LRP1B: variants seen among roughly 807,000 people sequenced by gnomAD.
LRP1B encodes the protein LDL receptor related protein 1B.
A neutral mutation model predicts 556.6 loss-of-function variants in LRP1B; 217 were observed. That is an observed-to-expected ratio of 0.39 (90% CI 0.35 to 0.44). The LOEUF (loss-of-function observed/expected upper bound fraction) is 0.44. Among genes scored for constraint, LRP1B ranks in the 20% least tolerant of loss-of-function variants. LRP1B has a pLI of 1.00. For missense variants in LRP1B, 5,053 were observed against 5,620.8 expected (o/e 0.90, Z 3.23); for synonymous variants, 2,047 against 1,865.8 (o/e 1.10, Z -2.50).
At chr2:140,413,086 T>C (rs2105250878) in intron 66 of LRP1B, among the ~76,000 whole-genome samples, 1 of 152,260 alleles carries the variant, frequency 6.6e-6, no homozygotes, top group Non-Finnish European at 1.5e-5. Flanking sequence ...AAATATATTA[T>C]TGGTATAAAG....
intron 41 of LRP1B, among the ~76,000 whole-genome samples, chr2:140,691,496 A>G (rs1441800053): frequency 1.3e-5 from 2 of 151,856 alleles, no homozygotes; most frequent in Non-Finnish European, 2.9e-5. Flanking sequence ...CTCAAAAAAA[A>G]AAAAAAAAAG....
At chr2:141,467,085 C>A (rs1332809227) in intron 3 of LRP1B, among the ~76,000 whole-genome samples, 6 of 100,484 alleles carry the variant, frequency 6.0e-5, no homozygotes, top group East Asian at 2.5e-4. Flanking sequence ...TATACACACA[C>A]ACACACATAT....
intron 2 of LRP1B, among the ~76,000 whole-genome samples, chr2:141,521,302 C>CT (rs34585378): frequency 6.6e-6 from 1 of 152,042 alleles, no homozygotes; most frequent in African/African-American, 2.4e-5. Context: ...ATCATGGAAA[C>CT]TTTTTATCCA....
rs780316169 is a variant in LRP1B, at chr2:140,353,056, C to G, written c.11547G>C (p.Leu3849Phe). Residue 3849 changes from leucine to phenylalanine, a missense_variant, in exon 76 of 91, where the codon TTG becomes TTC. Leu to Phe is a conservative substitution (Grantham distance 22, BLOSUM62 0). Transcript: ENST00000389484. ...ATTGATGGGAACATGTGCCAAACAC[C>G]AAACATTCATTAAGGTCTAGAAAAG... ...NRQCEDLNEC[L>F]VFGTCSHQCI... is the part of the protein sequence containing the mutation. The G allele has an allele frequency of 6.2e-7, 1 of 1,612,770 alleles. No individual in the cohort carries two copies. The highest frequency in any genetic ancestry group is 8.5e-7 in the Non-Finnish European group (1 of 1,179,322).
At chr2:141,406,547 C>CATCT (rs71982875) in intron 3 of LRP1B, among the ~76,000 whole-genome samples, 19,439 of 149,220 alleles carry the variant, frequency 0.13, 1,305 homozygotes, top group African/African-American at 0.15. Context: ...ATCTATCTAT[C>CATCT]ATCTATCTAT....
chr2:141,366,610 T>C (rs1348681519), intron 3 of LRP1B, among the ~76,000 whole-genome samples: 1 of 152,248 alleles, frequency 6.6e-6, no homozygotes, highest in Non-Finnish European at 1.5e-5. Context: ...TAACCCTTCC[T>C]CAGTTTTTAG....
In LRP1B at chr2:141,339,068, T is replaced by G. The variant is rs16845822; in HGVS notation, c.344-84427A>C. 6.0e-3 allele frequency among the ~76,000 whole-genome samples: 918 copies of G among 152,234 alleles called. 11 individuals carry two copies. Among genetic ancestry groups the G allele is most frequent in the African/African-American group, 0.02 (839 of 41,544 alleles). On this transcript the variant is annotated intron_variant, in intron 3 of 90. Coordinates refer to ENST00000389484, the MANE Select transcript of LRP1B (RefSeq NM_018557.3). ...ACTTCACTTGGCCAACTTCCTTTTA[T>G]TCTTCAGAACTGACAGGAATCATGC... is the stretch of plus-strand genomic sequence containing the variant.
rs1691620207 is a variant in LRP1B, at chr2:140,828,937, A to T, written c.5209+11054T>A. Among the ~76,000 whole-genome samples the T allele has an allele frequency of 2.0e-5, 3 of 152,204 alleles. No homozygotes were observed. In the South Asian group the frequency reaches 6.2e-4, roughly 32 times the overall value. ...CGGCTGAAAGTAAAGAGATGGAAGAAGATAGCCCATGTAAATAAAAATCAA... is the reference window on the plus strand; with the variant it reads ...CGGCTGAAAGTAAAGAGATGGAAGATGATAGCCCATGTAAATAAAAATCAA... On this transcript the variant is annotated intron_variant, in intron 31 of 90. Coordinates refer to ENST00000389484, the MANE Select transcript of LRP1B (RefSeq NM_018557.3).
intron 66 of LRP1B, among the ~76,000 whole-genome samples, chr2:140,408,336 C>A (rs1684835299): frequency 1.3e-5 from 2 of 151,938 alleles, no homozygotes; most frequent in South Asian, 4.1e-4. Flanking sequence ...GAAATAAAAA[C>A]TAATTTAAAA....
chr2:140,318,506 CA>C (rs755371556), intron 82 of LRP1B, among the ~76,000 whole-genome samples: 2 of 152,028 alleles, frequency 1.3e-5, no homozygotes, highest in Non-Finnish European at 2.9e-5. Context: ...TTAATGCAGC[CA>C]AAAACTTGTT....
chr2:140,685,014 A>T (rs1685999747), intron 41 of LRP1B, among the ~76,000 whole-genome samples: 1 of 152,114 alleles, frequency 6.6e-6, no homozygotes, highest in African/African-American at 2.4e-5. Context: ...CTGTCATGTA[A>T]TTTTAAAAAA....
intron 35 of LRP1B, among the ~76,000 whole-genome samples, chr2:140,747,004 A>G (rs1445798726): frequency 6.6e-6 from 1 of 152,204 alleles, no homozygotes; most frequent in Non-Finnish European, 1.5e-5. Context: ...TAAATTCAGA[A>G]TCAAAATACA....
intron 32 of LRP1B, among the ~76,000 whole-genome samples, chr2:140,813,152 T>C (rs1223603764): frequency 1.3e-5 from 2 of 152,096 alleles, no homozygotes; most frequent in African/African-American, 4.8e-5. Context: ...AATCAAAGAA[T>C]GGAAATAACA....
intron 41 of LRP1B, among the ~76,000 whole-genome samples, chr2:140,659,123 T>C (rs113771644): frequency 0.028 from 4,072 of 144,924 alleles, 178 homozygotes; most frequent in African/African-American, 0.06. Flanking sequence ...TTTTTTTTTT[T>C]TTTTAGTGAA....
At chr2:141,364,740 T>C (rs1317538787) in intron 3 of LRP1B, among the ~76,000 whole-genome samples, 1 of 152,234 alleles carries the variant, frequency 6.6e-6, no homozygotes, top group South Asian at 2.1e-4. Flanking sequence ...TTCGTGCTCC[T>C]AAATTATAGC....
chr2:141,821,632 T>C (rs1289898237), intron 1 of LRP1B, among the ~76,000 whole-genome samples: 1 of 152,228 alleles, frequency 6.6e-6, no homozygotes, highest in Non-Finnish European at 1.5e-5. Flanking sequence ...CATGTTTTTA[T>C]TCTTGGGAGA....
At chr2:141,330,444 A>AT (rs79687661) in intron 3 of LRP1B, among the ~76,000 whole-genome samples, 89,594 of 151,970 alleles carry the variant, frequency 0.59, 27,484 homozygotes, top group African/African-American at 0.71. Flanking sequence ...AATTTGAAAC[A>AT]TTAAAGGAAT....
At chr2:140,377,597 G>A (rs1005133162) in intron 68 of LRP1B, among the ~76,000 whole-genome samples, 3 of 152,140 alleles carry the variant, frequency 2.0e-5, no homozygotes, top group African/African-American at 7.2e-5. Flanking sequence ...ATAACAAATT[G>A]TATGAAGTAT....
intron 1 of LRP1B, among the ~76,000 whole-genome samples, chr2:142,022,294 A>G (rs2105178397): frequency 6.6e-6 from 1 of 152,156 alleles, no homozygotes; most frequent in Admixed American, 6.5e-5. Flanking sequence ...AAAAAACAAC[A>G]GTGAAATACT....
Sources: gnomAD v4.1 joint callset for allele counts (sites outside exome capture counted in the v4.1 genomes callset) on GRCh38, gnomAD v4.1.1 for gene constraint, MANE v1.5 for transcripts, NCBI Gene and HGNC (gene_info 2026-07-23, HGNC 2026-07-21) for gene names.